Variants in GTPBP4 observed in about 807,000 individuals in gnomAD.
The protein encoded by GTPBP4 is GTP binding protein 4, also known as GTP-binding protein 4.
A neutral mutation model predicts 81.7 loss-of-function variants in GTPBP4; 15 were observed. The observed-to-expected ratio is 0.18, with a 90% CI of 0.12 to 0.28. The LOEUF is 0.28. Among genes scored for constraint, GTPBP4 ranks in the 10% least tolerant of loss-of-function variants. The pLI is 1.00. For synonymous variants in GTPBP4, 272 were observed against 274.6 expected (o/e 0.99, Z 0.09); for missense variants, 847 against 793.8 (o/e 1.07, Z -0.81).
In GTPBP4 at chr10:1,015,859, G is replaced by C. The variant is rs1004771925; in HGVS notation, c.1715G>C (p.Arg572Pro). 9 of 1,613,358 alleles carry C rather than the reference G, an allele frequency of 5.6e-6. No individual in the cohort carries two copies. In the African/African-American group the frequency reaches 6.7e-5, roughly 12 times the overall value. The change falls in exon 16 of 17, where the codon CGA becomes CCA. Residue 572 changes from arginine (R) to proline (P), a missense_variant. Coordinates refer to ENST00000360803, the MANE Select transcript of GTPBP4 (RefSeq NM_012341.3). ...SSVARSGSCSRTPRDVSGLRD... is the reference protein window; with the variant it reads ...SSVARSGSCSPTPRDVSGLRD... ...GTGGCCCGGAGTGGGAGTTGCTCTC[G>C]AACTCCACGTGACGTTTCTGGTCTT...
At chr10:1,009,399 A>C in intron 11 of GTPBP4, 130 bp from the exon 12 acceptor site, 1 of 728,194 alleles carries the variant, frequency 1.4e-6, no homozygotes, top group African/African-American at 1.7e-5. Context: ...CCTTCCTACC[A>C]GAAATGGAAG....
In GTPBP4 at chr10:996,249, G is replaced by T; in HGVS notation, c.460+7G>T. 2.5e-6 allele frequency: 4 copies of T among 1,609,078 alleles called. No homozygotes were observed. The highest frequency in any genetic ancestry group is 3.4e-6 in the Non-Finnish European group (4 of 1,177,514). On this transcript the variant is annotated splice_region_variant and intron_variant, in intron 4 of 16. Transcript: ENST00000360803. Reference sequence around the variant, plus strand: ...TTGGAGTATTTGGAGCAAGGTGCTTGTCACGCATCCGCGGGAACCGTGCTA... The same window carrying T: ...TTGGAGTATTTGGAGCAAGGTGCTTTTCACGCATCCGCGGGAACCGTGCTA...
chr10:991,012 G>A (rs888095080), intron 1 of GTPBP4, among the ~76,000 whole-genome samples: 2 of 151,644 alleles, frequency 1.3e-5, no homozygotes, highest in African/African-American at 4.9e-5. Context: ...GCAGACTGTT[G>A]TGACCACCCG....
intron 8 of GTPBP4, among the ~76,000 whole-genome samples, chr10:1,004,874 C>T (rs1209199432): frequency 6.6e-6 from 1 of 152,148 alleles, no homozygotes; most frequent in Non-Finnish European, 1.5e-5. Context: ...AGACATACTC[C>T]AGCCGCAGTT....
At chr10:990,259 GATGGTA>G (rs540846127) in intron 1 of GTPBP4, among the ~76,000 whole-genome samples, 1 of 152,094 alleles carries the variant, frequency 6.6e-6, no homozygotes, top group Non-Finnish European at 1.5e-5. Flanking sequence ...AAAACTGGGT[GATGGTA>G]ATTGTTTGGT....
intron 1 of GTPBP4, among the ~76,000 whole-genome samples, chr10:991,567 G>A (rs1253774618): frequency 6.6e-6 from 1 of 152,034 alleles, no homozygotes; most frequent in East Asian, 1.9e-4. Context: ...CAAATGGGAG[G>A]ATTGTTTCTT....
At chr10:1,011,224 ACT>A (rs1450954414) in intron 13 of GTPBP4, among the ~76,000 whole-genome samples, 1 of 142,372 alleles carries the variant, frequency 7.0e-6, no homozygotes, top group African/African-American at 2.6e-5. Context: ...CCCTTAATGG[ACT>A]CTGCTGTGCT....
intron 5 of GTPBP4, 88 bp downstream of exon 5, chr10:997,396 C>T (rs1198296855): frequency 1.2e-6 from 1 of 810,470 alleles, no homozygotes. Flanking sequence ...TCAGGATGGC[C>T]TTGTAGGTCA....
chr10:993,119 G>T (rs768293103), intron 2 of GTPBP4, among the ~76,000 whole-genome samples: 19 of 152,158 alleles, frequency 1.2e-4, no homozygotes, highest in Admixed American at 6.5e-5. Context: ...TGCTTCATCA[G>T]CTGATGACAG....
intron 11 of GTPBP4, among the ~76,000 whole-genome samples, 162 bp from the exon 12 acceptor site, chr10:1,009,367 C>A (rs1006672749): frequency 1.1e-4 from 16 of 152,186 alleles, no homozygotes; most frequent in African/African-American, 3.9e-4. Context: ...GCTGGCCCCG[C>A]AGACAGGGAG....
intron 13 of GTPBP4, 103 bp downstream of exon 13, chr10:1,010,623 A>G: frequency 6.7e-6 from 5 of 747,324 alleles, no homozygotes; most frequent in Non-Finnish European, 1.2e-5. Flanking sequence ...TGTCCGCTTC[A>G]TTCTGCACCC....
intron 15 of GTPBP4, among the ~76,000 whole-genome samples, chr10:1,015,482 TGAGCCTGGGAGTGGGGCTGGGGTC>T (rs1246424650): frequency 9.0e-6 from 1 of 111,304 alleles, no homozygotes; most frequent in East Asian, 2.7e-4. Flanking sequence ...TCCTGAGCGC[TGAGCCTGGGAGTGGGGCTGGGGTC>T]CTGAGCTCTG....
rs1361610385 is a variant in GTPBP4, at chr10:1,000,851, C to G, written c.829C>G (p.Pro277Ala). The stretch of plus-strand genomic sequence containing the variant: ...GCTAGAACTCTTCCAGAACATCAGA[C>G]CTCTCTTCATCAACAAGGTGTGTGT... ...EQLELFQNIR[P>A]LFINKPLIVV... Residue 277 changes from proline (P) to alanine (A), a missense_variant, in exon 7 of 17, where the codon CCT (proline) becomes GCT (alanine). This residue lies in a region of GTPBP4 where 600 missense variants were observed against 557.1 expected (regional missense o/e 1.08). Transcript: ENST00000360803. 8 of 1,610,614 alleles carry G rather than the reference C, an allele frequency of 5.0e-6. No individual in the cohort carries two copies. Among genetic ancestry groups the G allele is most frequent in the African/African-American group, 1.3e-5 (1 of 74,904 alleles).
chr10:1,012,406 C>G, intron 13 of GTPBP4, 59 bp from the exon 14 acceptor site: 4 of 1,191,290 alleles, frequency 3.4e-6, no homozygotes, highest in Admixed American at 4.1e-5. Context: ...CTGCCACACT[C>G]ACTGACTCAG....
At chr10:1,005,127 GTGT>G (rs1831703191) in intron 8 of GTPBP4, among the ~76,000 whole-genome samples, 1 of 151,998 alleles carries the variant, frequency 6.6e-6, no homozygotes, top group African/African-American at 2.4e-5. Context: ...GCGGCCCAGT[GTGT>G]TTTTTTTGGT....
intron 2 of GTPBP4, among the ~76,000 whole-genome samples, chr10:995,080 T>C (rs117122000): frequency 0.023 from 3,445 of 152,114 alleles, 57 homozygotes; most frequent in Admixed American, 0.04. Flanking sequence ...TTGGAGGTGG[T>C]AGTCAAGGGT....
chr10:1,012,974 T>G, intron 14 of GTPBP4, among the ~76,000 whole-genome samples: 1 of 152,140 alleles, frequency 6.6e-6, no homozygotes, highest in East Asian at 1.9e-4. Flanking sequence ...TTCCTCTTCT[T>G]TTTTCTCTCT....
intron 12 of GTPBP4, among the ~76,000 whole-genome samples, 200 bp downstream of exon 12, chr10:1,009,780 T>C (rs1831815187): frequency 6.6e-6 from 1 of 152,232 alleles, no homozygotes; most frequent in Non-Finnish European, 1.5e-5. Context: ...GGATCCCTTA[T>C]GCCCAGGAGT....
At chr10:1,009,101 G>A in intron 11 of GTPBP4, 66 bp downstream of exon 11, 1 of 1,221,914 alleles carries the variant, frequency 8.2e-7, no homozygotes, top group Non-Finnish European at 1.2e-6. Context: ...GCCCATCGTG[G>A]GGGCCTGGGG....
Sources: gnomAD v4.1 joint callset for allele counts (sites outside exome capture counted in the v4.1 genomes callset) on GRCh38, gnomAD v4.1.1 for gene constraint, gnomAD v4.1.1 regional missense constraint, MANE v1.5 for transcripts, NCBI Gene and HGNC (gene_info 2026-07-23, HGNC 2026-07-21) for gene names.